Variants in LOC400499 observed in about 807,000 individuals in gnomAD.
At chr16:11,439,450 G>A in the LOC400499 span, 1 of 398,956 alleles carries the variant, frequency 2.5e-6, no homozygotes, top group East Asian at 3.6e-5. Context: ...ACCCTTGGCA[G>A]GCGAGTCAAG....
chr16:11,393,175 G>A, the LOC400499 span, among the ~76,000 whole-genome samples: 1 of 122,388 alleles, frequency 8.2e-6, no homozygotes, highest in African/African-American at 3.2e-5. Flanking sequence ...TTTTTTTTAA[G>A]TAGAGACGGG....
chr16:11,425,691 C>T, the LOC400499 span, among the ~76,000 whole-genome samples: 2 of 152,094 alleles, frequency 1.3e-5, no homozygotes, highest in Non-Finnish European at 2.9e-5. Context: ...TAGAGCTATA[C>T]GTTTATATAG....
At chr16:11,460,272 C>T in the LOC400499 span, among the ~76,000 whole-genome samples, 1 of 152,224 alleles carries the variant, frequency 6.6e-6, no homozygotes, top group Non-Finnish European at 1.5e-5. Flanking sequence ...TCTTTGCTCA[C>T]TGCAACCTCC....
chr16:11,492,027 C>A, the LOC400499 span, among the ~76,000 whole-genome samples: 1 of 152,114 alleles, frequency 6.6e-6, no homozygotes, highest in African/African-American at 2.4e-5. Context: ...AGCAGGGGTT[C>A]ACTGACCTTG....
chr16:11,464,179 T>C, the LOC400499 span, among the ~76,000 whole-genome samples: 1 of 116,298 alleles, frequency 8.6e-6, no homozygotes, highest in East Asian at 2.6e-4. Context: ...GTGTATGTCA[T>C]ATGTGTATGG....
chr16:11,439,342 T>A, the LOC400499 span: 10 of 395,180 alleles, frequency 2.5e-5, no homozygotes, highest in African/African-American at 4.1e-5. Context: ...ACAGGGCTGT[T>A]TGGCTAAGCA....
the LOC400499 span, among the ~76,000 whole-genome samples, chr16:11,508,249 G>C: frequency 6.6e-6 from 1 of 152,114 alleles, no homozygotes; most frequent in Non-Finnish European, 1.5e-5. Context: ...CAGCCTCAGG[G>C]CCTCAGATTC....
the LOC400499 span, among the ~76,000 whole-genome samples, chr16:11,417,142 T>C: frequency 6.6e-6 from 1 of 151,440 alleles, no homozygotes; most frequent in African/African-American, 2.4e-5. Flanking sequence ...CCTGTGAATA[T>C]GACTTTATTT....
At chr16:11,419,277 G>C in the LOC400499 span, among the ~76,000 whole-genome samples, 1 of 151,944 alleles carries the variant, frequency 6.6e-6, no homozygotes, top group African/African-American at 2.4e-5. Context: ...ACAGAACAGA[G>C]CCCTCAGAAA....
the LOC400499 span, among the ~76,000 whole-genome samples, chr16:11,498,731 C>T: frequency 3.3e-5 from 5 of 151,682 alleles, no homozygotes; most frequent in Non-Finnish European, 7.4e-5. Flanking sequence ...TGGAACATCA[C>T]ATGTGAGGCA....
chr16:11,383,946 G>C, the LOC400499 span: 1 of 1,231,916 alleles, frequency 8.1e-7, no homozygotes, highest in Non-Finnish European at 1.0e-6. Context: ...AGCAGGCGGG[G>C]AGCTGTCCCG....
chr16:11,448,808 G>T, the LOC400499 span: 1 of 897,960 alleles, frequency 1.1e-6, no homozygotes, highest in Non-Finnish European at 1.5e-6. Flanking sequence ...CAAGGTCACA[G>T]GCCAAGCCAG....
the LOC400499 span, among the ~76,000 whole-genome samples, chr16:11,429,443 G>C: frequency 6.6e-6 from 1 of 152,204 alleles, no homozygotes; most frequent in African/African-American, 2.4e-5. Flanking sequence ...GAAGGGCAAA[G>C]GGAGTTAGCA....
chr16:11,459,994 C>T, the LOC400499 span: 27 of 1,509,334 alleles, frequency 1.8e-5, 1 homozygote, highest in South Asian at 1.5e-4. Flanking sequence ...CAGTGCTTCC[C>T]GTAGCTCACC....
At chr16:11,405,641 T>G in the LOC400499 span, among the ~76,000 whole-genome samples, 1 of 152,086 alleles carries the variant, frequency 6.6e-6, no homozygotes, top group Non-Finnish European at 1.5e-5. Flanking sequence ...GAAGGAAGTT[T>G]GCTCTTAAAC....
At chr16:11,460,588 G>A in the LOC400499 span, 40 of 1,534,340 alleles carry the variant, frequency 2.6e-5, no homozygotes, top group East Asian at 5.4e-4. Flanking sequence ...TGCTGCACTC[G>A]TGTGCCGCCT....
chr16:11,505,083 A>T, the LOC400499 span, among the ~76,000 whole-genome samples: 1 of 151,896 alleles, frequency 6.6e-6, no homozygotes, highest in Non-Finnish European at 1.5e-5. Flanking sequence ...CAGAGCAGAC[A>T]CTTGAACCCA....
At chr16:11,411,742 G>A in the LOC400499 span, among the ~76,000 whole-genome samples, 3 of 152,064 alleles carry the variant, frequency 2.0e-5, no homozygotes, top group African/African-American at 4.8e-5. Flanking sequence ...AGCAGGGTCT[G>A]GACAGCAGGA....
the LOC400499 span, chr16:11,519,095 A>G: frequency 2.5e-6 from 1 of 397,194 alleles, no homozygotes; most frequent in Non-Finnish European, 4.4e-6. Flanking sequence ...GGGGCAAGGC[A>G]GAGAGACCCC....
Sources: gnomAD v4.1 joint callset for allele counts (sites outside exome capture counted in the v4.1 genomes callset) on GRCh38, gnomAD v4.1.1 for gene constraint, MANE v1.5 for transcripts.